HERC1: variants seen among roughly 807,000 people sequenced by gnomAD.
HERC1 encodes the protein probable E3 ubiquitin-protein ligase HERC1.
A neutral mutation model predicts 554.3 loss-of-function variants in HERC1; 160 were observed. That is an observed-to-expected ratio of 0.29 (90% CI 0.25 to 0.33). The LOEUF (loss-of-function observed/expected upper bound fraction) is 0.33. Ranked by LOEUF, HERC1 falls within the 10% of genes least tolerant of loss-of-function variation. The probability of loss-of-function intolerance (pLI) is 1.00; values close to 1 mark genes in which losing one functional copy is unlikely to be tolerated. For synonymous variants in HERC1, 2,175 were observed against 2,131.7 expected (o/e 1.02, Z -0.56); for missense variants, 4,919 against 5,918.5 (o/e 0.83, Z 5.54).
At chr15:63,649,641 T>C in intron 54 of HERC1, 84 bp downstream of exon 54, 1 of 1,056,296 alleles carries the variant, frequency 9.5e-7, no homozygotes, top group South Asian at 1.5e-5. Context: ...ATTCACTTGG[T>C]ATTTTTAAAA....
chr15:63,645,249 C>T (rs369387930), intron 56 of HERC1, among the ~76,000 whole-genome samples, 152 bp from the exon 57 acceptor site: 1 of 151,986 alleles, frequency 6.6e-6, no homozygotes, highest in Non-Finnish European at 1.5e-5. Context: ...GAAATACAAC[C>T]GAGGCCAATA....
intron 69 of HERC1, 44 bp downstream of exon 69, chr15:63,630,422 G>C: frequency 6.3e-7 from 1 of 1,576,032 alleles, no homozygotes; most frequent in Non-Finnish European, 8.6e-7. Flanking sequence ...AACACTGTGA[G>C]ATTTCTAGAA....
chr15:63,805,094 G>T (rs529373836), intron 1 of HERC1, among the ~76,000 whole-genome samples: 2 of 152,132 alleles, frequency 1.3e-5, no homozygotes, highest in African/African-American at 4.8e-5. Context: ...CCAGAAAAAT[G>T]AGAATACATG....
chr15:63,833,719 C>A (rs1475813277), intron 1 of HERC1, 108 bp downstream of exon 1: 5 of 151,130 alleles, frequency 3.3e-5, no homozygotes, highest in Admixed American at 6.6e-5. Context: ...CCCCGGCCGG[C>A]CCTGCGCGGC....
chr15:63,651,402 T>A (rs779235119), intron 52 of HERC1, 22 bp from the exon 53 acceptor site: 52 of 1,607,454 alleles, frequency 3.2e-5, no homozygotes, highest in Admixed American at 8.5e-5. Context: ...CAGACAGATA[T>A]GCAGTTCTAA....
Position 63,756,700 on chromosome 15 carries a change from CAG to C in HERC1, c.1268_1269del (p.Ser423CysfsTer2). 1 of 1,612,628 alleles carries C rather than the reference CAG, an allele frequency of 6.2e-7. No individual in the cohort carries two copies. The highest frequency in any genetic ancestry group is 8.5e-7 in the Non-Finnish European group (1 of 1,179,344). ...YCTFVISTDG[S>X]VRACGKGSYG... ...TAGCTGCCTTTCCCGCAAGCTCTAACAGAGCCATCCGTAGAAATGACAAAAGT... is the reference window on the plus strand; with the variant it reads ...TAGCTGCCTTTCCCGCAAGCTCTAACAGCCATCCGTAGAAATGACAAAAGT... On this transcript the variant is annotated frameshift_variant, in exon 5 of 78. Coordinates refer to ENST00000443617, the MANE Select transcript of HERC1 (RefSeq NM_003922.4). LOFTEE classifies it high-confidence loss of function. The surrounding 1 kb of genome is among the most constrained non-coding windows in gnomAD (Gnocchi z 5.0).
intron 43 of HERC1, among the ~76,000 whole-genome samples, chr15:63,663,649 G>C (rs772679110): frequency 6.6e-6 from 1 of 152,124 alleles, no homozygotes; most frequent in East Asian, 1.9e-4. Flanking sequence ...TGTAAAGACA[G>C]GGTCTTGCTA....
intron 32 of HERC1, 51 bp from the exon 33 acceptor site, chr15:63,689,750 A>G (rs909019122): frequency 7.2e-6 from 8 of 1,113,788 alleles, no homozygotes; most frequent in Non-Finnish European, 1.0e-5. Flanking sequence ...AACTTTAAGT[A>G]TTTTTAGAAA....
chr15:63,828,529 G>C (rs1213929633), intron 1 of HERC1, among the ~76,000 whole-genome samples: 1 of 152,034 alleles, frequency 6.6e-6, no homozygotes, highest in Non-Finnish European at 1.5e-5. Context: ...AGTAGAGATG[G>C]GGTTTCTCCA....
chr15:63,614,460 A>G (rs2067730224), intron 76 of HERC1, among the ~76,000 whole-genome samples: 1 of 152,198 alleles, frequency 6.6e-6, no homozygotes, highest in African/African-American at 2.4e-5. Context: ...TCAACTGGAG[A>G]CAAACACTAA....
At chr15:63,761,854 T>C (rs751169463) in intron 3 of HERC1, among the ~76,000 whole-genome samples, 3 of 152,198 alleles carry the variant, frequency 2.0e-5, no homozygotes, top group Non-Finnish European at 2.9e-5. Flanking sequence ...AGGAAGAAGA[T>C]ATAAATGTAA....
chr15:63,729,671 G>A (rs1404613655), intron 14 of HERC1, 22 bp from the exon 15 acceptor site: 1 of 1,611,214 alleles, frequency 6.2e-7, no homozygotes, highest in African/African-American at 1.3e-5. Flanking sequence ...CACAAAGGAA[G>A]TTTATATTTG....
intron 57 of HERC1, 40 bp downstream of exon 57, chr15:63,644,952 C>T: frequency 7.0e-7 from 1 of 1,428,706 alleles, no homozygotes; most frequent in Non-Finnish European, 9.9e-7. Flanking sequence ...CATATACTTT[C>T]CATAGTTTCA....
intron 77 of HERC1, among the ~76,000 whole-genome samples, chr15:63,611,496 G>A (rs2067588787): frequency 6.6e-6 from 1 of 152,202 alleles, no homozygotes; most frequent in South Asian, 2.1e-4. Flanking sequence ...ATGCAGCCCT[G>A]CCTGCTCCAC....
chr15:63,800,242 G>A (rs933958556), intron 1 of HERC1, among the ~76,000 whole-genome samples: 1 of 152,146 alleles, frequency 6.6e-6, no homozygotes, highest in Admixed American at 6.5e-5. Flanking sequence ...CTGTTTCAAA[G>A]GGGAAGAGTT....
At chr15:63,757,812 C>A (rs1420052790) in intron 4 of HERC1, among the ~76,000 whole-genome samples, 1 of 152,122 alleles carries the variant, frequency 6.6e-6, no homozygotes, top group African/African-American at 2.4e-5. Context: ...CAGGTTCAAG[C>A]TATTCTTCTG....
intron 1 of HERC1, among the ~76,000 whole-genome samples, chr15:63,790,197 T>A (rs908262579): frequency 9.9e-5 from 15 of 151,984 alleles, no homozygotes; most frequent in African/African-American, 3.4e-4. Flanking sequence ...ACATACTCAA[T>A]AAACGTAAGC....
intron 27 of HERC1, among the ~76,000 whole-genome samples, 185 bp from the exon 28 acceptor site, chr15:63,695,079 A>G (rs1306155080): frequency 6.6e-6 from 1 of 152,134 alleles, no homozygotes; most frequent in Non-Finnish European, 1.5e-5. Flanking sequence ...TGTATCACCC[A>G]TGCTGGGGTG....
At chr15:63,619,894 T>C (rs1397493652) in intron 74 of HERC1, among the ~76,000 whole-genome samples, 1 of 152,156 alleles carries the variant, frequency 6.6e-6, no homozygotes, top group Non-Finnish European at 1.5e-5. Flanking sequence ...TTTTCTTCTT[T>C]ATTAGTCTTG....
Sources: gnomAD v4.1 joint callset for allele counts (sites outside exome capture counted in the v4.1 genomes callset) on GRCh38, gnomAD v4.1.1 for gene constraint, Gnocchi (gnomAD v3.1) non-coding constraint, MANE v1.5 for transcripts, NCBI Gene and HGNC (gene_info 2026-07-23, HGNC 2026-07-21) for gene names.